The following ELMO1 variants were observed in gnomAD, a reference collection of about 807,000 sequenced individuals.
The protein encoded by ELMO1 is engulfment and cell motility protein 1.
ELMO1 carries 26 observed loss-of-function variants against 98.9 expected under a neutral mutation model. The observed-to-expected ratio is 0.26, with a 90% CI of 0.19 to 0.36. ELMO1 has a LOEUF of 0.36. ELMO1 is among the 10% of genes least tolerant of loss of function. ELMO1 has a pLI of 1.00. For missense variants in ELMO1, 627 were observed against 935.2 expected (o/e 0.67, Z 4.30); for synonymous variants, 346 against 346.0 (o/e 1.00, Z 0.00).
chr7:36,980,662 C>T (rs1790971229), intron 16 of ELMO1, among the ~76,000 whole-genome samples: 1 of 152,234 alleles, frequency 6.6e-6, no homozygotes, highest in African/African-American at 2.4e-5. Context: ...AATTAGTAGA[C>T]TTCCAAATCC....
chr7:36,894,562 A>T (rs115337335), intron 17 of ELMO1, among the ~76,000 whole-genome samples: 31 of 152,330 alleles, frequency 2.0e-4, no homozygotes, highest in Admixed American at 1.7e-3. Context: ...AATTGTTCCA[A>T]GTGTTGGAAA....
At chr7:37,098,839 G>A (rs1054826914) in intron 14 of ELMO1, among the ~76,000 whole-genome samples, 22 of 152,074 alleles carry the variant, frequency 1.4e-4, no homozygotes, top group African/African-American at 5.3e-4. Context: ...GAAATGAACT[G>A]AAAAAAAGAA....
At chr7:37,292,011 G>C (rs377351076) in intron 4 of ELMO1, among the ~76,000 whole-genome samples, 1 of 130,654 alleles carries the variant, frequency 7.7e-6, no homozygotes, top group Non-Finnish European at 1.7e-5. Flanking sequence ...GAAGCTGGAC[G>C]GTACTGCTGC....
chr7:37,248,325 C>CA (rs751170286), intron 6 of ELMO1, among the ~76,000 whole-genome samples: 5 of 151,952 alleles, frequency 3.3e-5, no homozygotes, highest in Admixed American at 2.6e-4. Flanking sequence ...CAAGGAACGG[C>CA]ATTTTTTTTT....
intron 1 of ELMO1, among the ~76,000 whole-genome samples, chr7:37,429,052 T>C (rs1381384500): frequency 6.7e-6 from 1 of 150,372 alleles, no homozygotes; most frequent in Non-Finnish European, 1.5e-5. Flanking sequence ...TTGTTGTTGT[T>C]GTTATTTTTT....
intron 21 of ELMO1, among the ~76,000 whole-genome samples, chr7:36,861,343 A>C (rs568582692): frequency 3.3e-5 from 5 of 152,298 alleles, no homozygotes; most frequent in African/African-American, 1.2e-4. Context: ...CAGACCAAAA[A>C]CGAAAAATTC....
chr7:37,152,788 T>G lies in ELMO1; in HGVS notation c.1087-19554A>C, dbSNP rs555080677. On this transcript the variant is annotated intron_variant, in intron 13 of 21. Coordinates refer to ENST00000310758, the MANE Select transcript of ELMO1 (RefSeq NM_014800.11). The stretch of plus-strand genomic sequence containing the variant: ...AGAATTTGCGATATAAACTTCTATG[T>G]AAATATATTAGAAAGCACCAGATTA... Among the ~76,000 whole-genome samples the G allele has an allele frequency of 6.6e-5, 10 of 152,338 alleles. No homozygotes were observed. In the East Asian group the frequency reaches 1.9e-3, roughly 29 times the overall value.
rs770582210 is a variant in ELMO1 at position 37,160,435 on chromosome 7, CCT to C, written c.1087-27203_1087-27202del. 5.3e-5 allele frequency among the ~76,000 whole-genome samples: 8 copies of C among 152,144 alleles called. No homozygotes were observed. In the South Asian group the frequency reaches 6.2e-4, roughly 12 times the overall value. ...TGAACACATTGGTATGAAATCCTCCCCTGTGTAGAAAATAGCATGCTTTTCCT... is the reference window on the plus strand; with the variant it reads ...TGAACACATTGGTATGAAATCCTCCCGTGTAGAAAATAGCATGCTTTTCCT... On this transcript the variant is annotated intron_variant, in intron 13 of 21. Coordinates refer to ENST00000310758, the MANE Select transcript of ELMO1 (RefSeq NM_014800.11).
intron 1 of ELMO1, among the ~76,000 whole-genome samples, chr7:37,379,250 C>T (rs1408491092): frequency 6.6e-6 from 1 of 152,172 alleles, no homozygotes; most frequent in Non-Finnish European, 1.5e-5. Flanking sequence ...CCATGTTAGC[C>T]AGGATGGTCT....
intron 1 of ELMO1, among the ~76,000 whole-genome samples, chr7:37,345,156 T>G (rs1352116160): frequency 6.6e-6 from 1 of 152,196 alleles, no homozygotes; most frequent in Non-Finnish European, 1.5e-5. Context: ...TAATCAGTGG[T>G]AACTAGCAAG....
At chr7:37,124,404 A>C (rs1490958948) in intron 14 of ELMO1, among the ~76,000 whole-genome samples, 2 of 152,166 alleles carry the variant, frequency 1.3e-5, no homozygotes, top group African/African-American at 4.8e-5. Flanking sequence ...TCAGCCCAAA[A>C]TCTCCTTAAG....
At chr7:36,973,402 C>CT (rs1170978918) in intron 16 of ELMO1, among the ~76,000 whole-genome samples, 11 of 152,244 alleles carry the variant, frequency 7.2e-5, no homozygotes, top group Non-Finnish European at 1.0e-4. Flanking sequence ...CCCTATGTCT[C>CT]TATCAGCTAC....
intron 15 of ELMO1, among the ~76,000 whole-genome samples, chr7:37,022,398 C>A (rs1403842381): frequency 1.3e-5 from 2 of 152,066 alleles, no homozygotes; most frequent in East Asian, 1.9e-4. Flanking sequence ...AGACAGACAA[C>A]CCAGTAGAAG....
intron 1 of ELMO1, among the ~76,000 whole-genome samples, chr7:37,383,855 G>A (rs55852723): frequency 0.58 from 87,534 of 151,742 alleles, 25,498 homozygotes; most frequent in East Asian, 0.69. Context: ...TGGCTCTGTT[G>A]CCCAGGCTGG....
intron 13 of ELMO1, among the ~76,000 whole-genome samples, chr7:37,152,498 T>C (rs1788429918): frequency 6.6e-6 from 1 of 152,116 alleles, no homozygotes; most frequent in Non-Finnish European, 1.5e-5. Flanking sequence ...CCACTTAGTT[T>C]ATAGAATGTA....
intron 18 of ELMO1, among the ~76,000 whole-genome samples, chr7:36,880,014 A>G (rs1030736308): frequency 6.6e-6 from 1 of 152,196 alleles, no homozygotes; most frequent in African/African-American, 2.4e-5. Context: ...CTGAACATCA[A>G]CAGTGCTCTT....
intron 1 of ELMO1, among the ~76,000 whole-genome samples, chr7:37,390,344 G>C (rs1192886568): frequency 6.6e-6 from 1 of 152,196 alleles, no homozygotes; most frequent in African/African-American, 2.4e-5. Flanking sequence ...TGCAAGGGAA[G>C]GTCTCGCAGA....
chr7:36,954,681 G>A (rs1263387392), intron 16 of ELMO1, among the ~76,000 whole-genome samples: 1 of 152,120 alleles, frequency 6.6e-6, no homozygotes, highest in East Asian at 1.9e-4. Flanking sequence ...GTGAGTCCAA[G>A]GTTTTATTAA....
intron 13 of ELMO1, among the ~76,000 whole-genome samples, chr7:37,188,185 T>C (rs1275082489): frequency 6.6e-6 from 1 of 152,118 alleles, no homozygotes; most frequent in Non-Finnish European, 1.5e-5. Context: ...ATCACCACTC[T>C]GCAAATAAAT....
Sources: allele counts gnomAD v4.1 joint callset (sites outside exome capture counted in the v4.1 genomes callset), GRCh38; gene constraint gnomAD v4.1.1; transcripts MANE v1.5; gene names NCBI Gene and HGNC (gene_info 2026-07-23, HGNC 2026-07-21).